RBFOX3: variants seen among roughly 807,000 people sequenced by gnomAD.
RBFOX3 encodes RNA binding protein fox-1 homolog 3.
A neutral mutation model predicts 48.7 loss-of-function variants in RBFOX3; 17 were observed. The observed-to-expected ratio is 0.35, with a 90% CI of 0.24 to 0.52. The LOEUF (loss-of-function observed/expected upper bound fraction) is 0.52. Ranked by LOEUF, RBFOX3 falls within the 20% of genes least tolerant of loss-of-function variation. The pLI is 0.94. For missense variants in RBFOX3, 382 were observed against 497.5 expected (o/e 0.77, Z 2.21); for synonymous variants, 212 against 209.5 (o/e 1.01, Z -0.10).
At chr17:79,517,935 T>C (rs1014576556) in intron 1 of RBFOX3, among the ~76,000 whole-genome samples, 2 of 152,164 alleles carry the variant, frequency 1.3e-5, no homozygotes, top group Admixed American at 6.5e-5. Context: ...GACCCGGTAT[T>C]GATCCTGAAG....
At chr17:79,337,918 T>A (rs1027392677) in intron 2 of RBFOX3, among the ~76,000 whole-genome samples, 4 of 151,952 alleles carry the variant, frequency 2.6e-5, no homozygotes, top group Non-Finnish European at 5.9e-5. Context: ...CTGTTTCATG[T>A]GTTTGCTGGC....
intron 4 of RBFOX3, among the ~76,000 whole-genome samples, chr17:79,163,839 G>A (rs2047461955): frequency 6.6e-6 from 1 of 152,176 alleles, no homozygotes; most frequent in African/African-American, 2.4e-5. Flanking sequence ...GGGTGTCTCT[G>A]GGCCAGATGG....
rs1416207136 is a variant in RBFOX3, at chr17:79,392,228, G to A, written c.-174-84404C>T. 6.6e-6 allele frequency among the ~76,000 whole-genome samples: 1 copy of A among 152,186 alleles called. No homozygotes were observed. Among genetic ancestry groups the A allele is most frequent in the African/African-American group, 2.4e-5 (1 of 41,422 alleles). Reference sequence around the variant, plus strand: ...GTCTCTTTTCTCAGTGGTTAGTTATGCCAACGATTGTTCCAGAATCCAAAC... The same window carrying A: ...GTCTCTTTTCTCAGTGGTTAGTTATACCAACGATTGTTCCAGAATCCAAAC... On this transcript the variant is annotated intron_variant, in intron 2 of 14. Coordinates refer to ENST00000693108, the MANE Select transcript of RBFOX3 (RefSeq NM_001350451.2). The surrounding 1 kb of genome is among the most constrained non-coding windows in gnomAD (Gnocchi z 5.0).
At chr17:79,102,204 C>T (rs1320314761) in intron 8 of RBFOX3, among the ~76,000 whole-genome samples, 1 of 152,220 alleles carries the variant, frequency 6.6e-6, no homozygotes, top group Admixed American at 6.5e-5. Context: ...CACCTATTTT[C>T]CACACATATG....
chr17:79,370,695 C>T (rs1470024099), intron 2 of RBFOX3, among the ~76,000 whole-genome samples: 1 of 151,226 alleles, frequency 6.6e-6, no homozygotes, highest in Non-Finnish European at 1.5e-5. Flanking sequence ...TCTCATACAC[C>T]CTGAAATGCA....
chr17:79,222,511 C>T (rs564210952), intron 4 of RBFOX3, among the ~76,000 whole-genome samples: 4 of 152,206 alleles, frequency 2.6e-5, no homozygotes, highest in Non-Finnish European at 5.9e-5. Context: ...TGGCACAAGC[C>T]CCTGCACCTG....
At chr17:79,453,476 G>A (rs1555742908) in intron 2 of RBFOX3, among the ~76,000 whole-genome samples, 1 of 152,192 alleles carries the variant, frequency 6.6e-6, no homozygotes, top group Non-Finnish European at 1.5e-5. Flanking sequence ...CCTTTGGGGT[G>A]GTGGAAGGGA....
At chr17:79,560,450 C>T (rs2092137086) in intron 1 of RBFOX3, among the ~76,000 whole-genome samples, 1 of 152,174 alleles carries the variant, frequency 6.6e-6, no homozygotes, top group African/African-American at 2.4e-5. Flanking sequence ...TGACTGTAGC[C>T]TCAGGACCAG....
chr17:79,582,050 G>A (rs944578665), intron 1 of RBFOX3, among the ~76,000 whole-genome samples: 7 of 150,234 alleles, frequency 4.7e-5, no homozygotes, highest in Non-Finnish European at 1.0e-4. Flanking sequence ...ATGCATGCAT[G>A]TGCCTGCCCA....
In RBFOX3 at chr17:79,155,175, C is replaced by T. The variant is rs368095457; in HGVS notation, c.-33-39427G>A. Among the ~76,000 whole-genome samples the T allele has an allele frequency of 2.6e-4, 40 of 152,386 alleles. 1 individual carries two copies. The highest frequency in any genetic ancestry group is 1.4e-3 in the East Asian group (7 of 5,184). On this transcript the variant is annotated intron_variant, in intron 4 of 14. Transcript: ENST00000693108. ...AGCTAGTGCCGCGTCCCTCCCCGCCCGGGGCTCTGTGCCTTGGTGAGGTTT... is the reference window on the plus strand; with the variant it reads ...AGCTAGTGCCGCGTCCCTCCCCGCCTGGGGCTCTGTGCCTTGGTGAGGTTT...
At chr17:79,450,764 G>A (rs1015585142) in intron 2 of RBFOX3, among the ~76,000 whole-genome samples, 1 of 152,154 alleles carries the variant, frequency 6.6e-6, no homozygotes, top group Non-Finnish European at 1.5e-5. Context: ...GTCTGGCAAG[G>A]ATTCGACGGA....
At chr17:79,270,061 CCTT>C (rs2067392136) in intron 3 of RBFOX3, among the ~76,000 whole-genome samples, 1 of 152,170 alleles carries the variant, frequency 6.6e-6, no homozygotes, top group Admixed American at 6.5e-5. Context: ...CTCCCTTCCT[CCTT>C]CTTGCCACCC....
intron 2 of RBFOX3, among the ~76,000 whole-genome samples, chr17:79,452,136 G>A (rs782550305): frequency 8.5e-5 from 13 of 152,210 alleles, no homozygotes; most frequent in East Asian, 1.9e-4. Flanking sequence ...TGGGGCAGAC[G>A]GAAGCATGGA....
intron 3 of RBFOX3, among the ~76,000 whole-genome samples, chr17:79,288,606 G>A (rs972459396): frequency 3.3e-5 from 5 of 151,646 alleles, no homozygotes; most frequent in Non-Finnish European, 5.9e-5. Context: ...ATGATCCCTC[G>A]CCCGTCATCC....
At chr17:79,387,927 C>T (rs12453702) in intron 2 of RBFOX3, among the ~76,000 whole-genome samples, 14,528 of 151,924 alleles carry the variant, frequency 0.096, 730 homozygotes, top group East Asian at 0.2. Flanking sequence ...TGCATACATG[C>T]GTGTGCATGT....
chr17:79,506,557 G>A (rs1317331863), intron 1 of RBFOX3, among the ~76,000 whole-genome samples: 1 of 152,164 alleles, frequency 6.6e-6, no homozygotes, highest in Non-Finnish European at 1.5e-5. Flanking sequence ...CACTGCCCCG[G>A]GCCACAGAGC....
chr17:79,347,426 T>TCTTC (rs1463792774), intron 2 of RBFOX3, among the ~76,000 whole-genome samples: 1 of 152,178 alleles, frequency 6.6e-6, no homozygotes, highest in Non-Finnish European at 1.5e-5. Context: ...TTTCTTCATA[T>TCTTC]ATGTCCTCTT....
chr17:79,293,415 C>G (rs1266099218), intron 3 of RBFOX3, among the ~76,000 whole-genome samples: 3 of 6,578 alleles, frequency 4.6e-4, no homozygotes, highest in South Asian at 6.2e-3. Flanking sequence ...TCCACCCCTT[C>G]CTTCCTTCCT....
At chr17:79,387,480 A>G (rs2148078213) in intron 2 of RBFOX3, among the ~76,000 whole-genome samples, 1 of 152,206 alleles carries the variant, frequency 6.6e-6, no homozygotes, top group East Asian at 1.9e-4. Context: ...TGATCTAGGG[A>G]TAAATACTGC....
Sources: allele counts gnomAD v4.1 joint callset (sites outside exome capture counted in the v4.1 genomes callset), GRCh38; gene constraint gnomAD v4.1.1; non-coding constraint Gnocchi (gnomAD v3.1); transcripts MANE v1.5; gene names NCBI Gene and HGNC (gene_info 2026-07-23, HGNC 2026-07-21).